DENND1A: variants seen among roughly 807,000 people sequenced by gnomAD.
DENND1A encodes DENN domain containing 1A.
In DENND1A, 51 loss-of-function variants were observed where a neutral mutation model predicts 113.7. That is an observed-to-expected ratio of 0.45 (90% CI 0.36 to 0.57). The LOEUF (loss-of-function observed/expected upper bound fraction) is 0.57. DENND1A is among the 20% of genes least tolerant of loss of function. The pLI, the probability that DENND1A is intolerant of heterozygous loss-of-function variation, is 0.00. For synonymous variants in DENND1A, 565 were observed against 570.8 expected (o/e 0.99, Z 0.14); for missense variants, 1,258 against 1,395.9 (o/e 0.90, Z 1.57).
At chr9:123,858,243 A>AG (rs1844555465) in intron 2 of DENND1A, among the ~76,000 whole-genome samples, 1 of 152,210 alleles carries the variant, frequency 6.6e-6, no homozygotes, top group African/African-American at 2.4e-5. Flanking sequence ...GTGGTTGTGC[A>AG]GGAGAATCAC....
chr9:123,577,311 T>C (rs890357066), intron 12 of DENND1A, among the ~76,000 whole-genome samples: 1 of 152,182 alleles, frequency 6.6e-6, no homozygotes, highest in Non-Finnish European at 1.5e-5. Flanking sequence ...TTGTTGCTTA[T>C]AGATGTTCCC....
intron 2 of DENND1A, among the ~76,000 whole-genome samples, chr9:123,874,368 A>C (rs1847123770): frequency 6.6e-6 from 1 of 152,200 alleles, no homozygotes; most frequent in Non-Finnish European, 1.5e-5. Flanking sequence ...TAATATCTAT[A>C]GTATATAAAC....
intron 13 of DENND1A, among the ~76,000 whole-genome samples, chr9:123,537,908 AC>A (rs1181749094): frequency 6.6e-6 from 1 of 152,224 alleles, no homozygotes; most frequent in Non-Finnish European, 1.5e-5. Flanking sequence ...TAGGGGATTT[AC>A]CAGGGAGCAA....
intron 5 of DENND1A, among the ~76,000 whole-genome samples, chr9:123,678,257 G>A (rs942779293): frequency 7.2e-5 from 11 of 152,172 alleles, no homozygotes; most frequent in African/African-American, 1.2e-4. Context: ...CTGGCACACC[G>A]TCAGTGCTCA....
chr9:123,555,113 C>A (rs1174695683), intron 13 of DENND1A, among the ~76,000 whole-genome samples: 4 of 152,178 alleles, frequency 2.6e-5, no homozygotes, highest in African/African-American at 7.2e-5. Context: ...TTTGACACTT[C>A]TTGCTGTTCA....
intron 12 of DENND1A, among the ~76,000 whole-genome samples, chr9:123,581,504 G>A (rs766066464): frequency 6.6e-6 from 1 of 151,956 alleles, no homozygotes; most frequent in Non-Finnish European, 1.5e-5. Context: ...ATGTGCCTAC[G>A]GTCCCAGCTA....
intron 21 of DENND1A, among the ~76,000 whole-genome samples, chr9:123,403,000 C>G (rs2131320431): frequency 6.6e-6 from 1 of 151,960 alleles, no homozygotes; most frequent in East Asian, 1.9e-4. Context: ...TGAGGGCAGT[C>G]CTGTATATAG....
At chr9:123,607,466 G>C (rs1033744020) in intron 11 of DENND1A, among the ~76,000 whole-genome samples, 2 of 140,738 alleles carry the variant, frequency 1.4e-5, no homozygotes, top group Admixed American at 1.4e-4. Flanking sequence ...CTTAGAGAGA[G>C]AGAGAGAGAC....
In DENND1A at chr9:123,382,305, G is replaced by A. The variant is rs1398648314; in HGVS notation, c.2340C>T (p.Pro780=). 1 of 1,610,752 alleles carries A rather than the reference G, an allele frequency of 6.2e-7. No homozygotes were observed. Among genetic ancestry groups the A allele is most frequent in the East Asian group, 2.2e-5 (1 of 44,854 alleles). ...CGGCAGCCTGGAGCTTGGCCGGGCG[G>A]GGAATGGGCGGTGGAGGCACGATGC... The part of the protein sequence containing the change: ...ELGIVPPPPI[P]RPAKLQAAGA... Residue 780 remains proline, a synonymous_variant, in exon 24 of 24, where the codon CCC becomes CCT. Transcript: ENST00000394215.
intron 9 of DENND1A, among the ~76,000 whole-genome samples, chr9:123,638,795 C>A (rs1473916331): frequency 6.6e-6 from 1 of 151,936 alleles, no homozygotes; most frequent in African/African-American, 2.4e-5. Context: ...TCAAAGTGGG[C>A]ACTCAAGAAG....
intron 1 of DENND1A, among the ~76,000 whole-genome samples, chr9:123,889,020 TTAC>T (rs1293272685): frequency 6.8e-6 from 1 of 147,736 alleles, no homozygotes; most frequent in African/African-American, 2.5e-5. Flanking sequence ...TTTAAGTTCT[TTAC>T]ACTGTACTGC....
At chr9:123,604,605 C>G (rs2060070268) in intron 11 of DENND1A, among the ~76,000 whole-genome samples, 1 of 152,186 alleles carries the variant, frequency 6.6e-6, no homozygotes, top group Non-Finnish European at 1.5e-5. Context: ...AAGCAAGATA[C>G]AGAAAGATGT....
At chr9:123,898,321 T>C (rs1851089368) in intron 1 of DENND1A, among the ~76,000 whole-genome samples, 1 of 152,108 alleles carries the variant, frequency 6.6e-6, no homozygotes, top group Non-Finnish European at 1.5e-5. Context: ...TATAATATGA[T>C]ACATTTTATT....
At chr9:123,774,949 T>G (rs1310059652) in intron 3 of DENND1A, among the ~76,000 whole-genome samples, 1 of 152,182 alleles carries the variant, frequency 6.6e-6, no homozygotes, top group African/African-American at 2.4e-5. Flanking sequence ...TTATACACCT[T>G]CATGACCTTT....
chr9:123,856,424 C>G (rs1413580611), intron 2 of DENND1A, among the ~76,000 whole-genome samples: 1 of 151,986 alleles, frequency 6.6e-6, no homozygotes, highest in Non-Finnish European at 1.5e-5. Flanking sequence ...AGAAAAAGCC[C>G]AAGCAGGGAT....
chr9:123,467,724 ACAG>A (rs1417016344), intron 13 of DENND1A, among the ~76,000 whole-genome samples: 1 of 152,184 alleles, frequency 6.6e-6, no homozygotes, highest in Non-Finnish European at 1.5e-5. Flanking sequence ...CAGGACGGTG[ACAG>A]CAGAGCATTA....
chr9:123,527,717 T>C (rs2054960469), intron 13 of DENND1A, among the ~76,000 whole-genome samples: 1 of 152,160 alleles, frequency 6.6e-6, no homozygotes, highest in South Asian at 2.1e-4. Flanking sequence ...ACCCATTCCC[T>C]GCCATCAACC....
chr9:123,762,158 G>A (rs115681664), intron 4 of DENND1A, among the ~76,000 whole-genome samples: 9 of 152,178 alleles, frequency 5.9e-5, no homozygotes, highest in East Asian at 5.8e-4. Flanking sequence ...CTTTCAACTC[G>A]GTTTAAGGAA....
intron 2 of DENND1A, among the ~76,000 whole-genome samples, chr9:123,793,301 T>C (rs1833284165): frequency 6.6e-6 from 1 of 152,168 alleles, no homozygotes; most frequent in Non-Finnish European, 1.5e-5. Flanking sequence ...TGATCACCTA[T>C]TTAAAATGGA....
Sources: gnomAD v4.1 joint callset for allele counts (sites outside exome capture counted in the v4.1 genomes callset) on GRCh38, gnomAD v4.1.1 for gene constraint, MANE v1.5 for transcripts, NCBI Gene and HGNC (gene_info 2026-07-23, HGNC 2026-07-21) for gene names.